PLCB1: variants seen among roughly 807,000 people sequenced by gnomAD.
PLCB1 encodes phospholipase C beta 1.
A neutral mutation model predicts 161.8 loss-of-function variants in PLCB1; 46 were observed. That is an observed-to-expected ratio of 0.28 (90% CI 0.22 to 0.36). The LOEUF (loss-of-function observed/expected upper bound fraction) is 0.36. PLCB1 is among the 10% of genes least tolerant of loss of function. PLCB1 has a pLI of 1.00. For synonymous variants in PLCB1, 517 were observed against 503.7 expected (o/e 1.03, Z -0.35); for missense variants, 1,016 against 1,472.5 (o/e 0.69, Z 5.07).
chr20:8,382,080 G>A lies in PLCB1; in HGVS notation c.246+10630G>A, dbSNP rs567176562. On this transcript the variant is annotated intron_variant, in intron 3 of 31. Transcript: ENST00000338037. ...TTTGAGATCTTTCTAGCTTTCTGAT[G>A]TGGGTACTTAGTGCTATAAAGTTCC... 3.9e-5 allele frequency among the ~76,000 whole-genome samples: 6 copies of A among 152,176 alleles called. No individual in the cohort carries two copies. In the South Asian group the frequency reaches 1.0e-3, roughly 26 times the overall value.
intron 31 of PLCB1, among the ~76,000 whole-genome samples, chr20:8,812,275 C>T (rs1004824908): frequency 1.3e-5 from 2 of 152,176 alleles, no homozygotes; most frequent in Admixed American, 6.5e-5. Flanking sequence ...GTATGTACCT[C>T]TCTGACTTCT....
intron 2 of PLCB1, among the ~76,000 whole-genome samples, chr20:8,168,255 T>C (rs7266525): frequency 0.19 from 28,837 of 152,206 alleles, 3,006 homozygotes; most frequent in African/African-American, 0.27. Context: ...GTGAGAAGAA[T>C]AATTTGTGAC....
At chr20:8,839,296 G>T (rs1221126117) in intron 31 of PLCB1, among the ~76,000 whole-genome samples, 1 of 152,110 alleles carries the variant, frequency 6.6e-6, no homozygotes, top group Non-Finnish European at 1.5e-5. Flanking sequence ...CAAAAAAGAC[G>T]GACAATGCCT....
At chr20:8,321,784 G>C (rs1020705977) in intron 2 of PLCB1, among the ~76,000 whole-genome samples, 8 of 152,034 alleles carry the variant, frequency 5.3e-5, no homozygotes. Context: ...TCTCTCCCCC[G>C]CATTGGGTTC....
At chr20:8,825,577 T>C (rs1379998971) in intron 31 of PLCB1, among the ~76,000 whole-genome samples, 5 of 152,066 alleles carry the variant, frequency 3.3e-5, no homozygotes, top group Admixed American at 1.3e-4. Flanking sequence ...GAAAAGAATA[T>C]ACAATGGAGC....
intron 31 of PLCB1, among the ~76,000 whole-genome samples, chr20:8,874,225 TACACACACAC>T (rs56986559): frequency 7.5e-5 from 10 of 132,472 alleles, no homozygotes; most frequent in African/African-American, 2.5e-4. Flanking sequence ...TATGTGTATG[TACACACACAC>T]ACACACACAC....
At chr20:8,201,570 A>T (rs1406831111) in intron 2 of PLCB1, among the ~76,000 whole-genome samples, 4 of 152,126 alleles carry the variant, frequency 2.6e-5, no homozygotes, top group African/African-American at 9.7e-5. Context: ...CTTAATGCAA[A>T]AGTAAGCCTT....
chr20:8,402,473 AT>A (rs1265347619), intron 3 of PLCB1, among the ~76,000 whole-genome samples: 1 of 152,070 alleles, frequency 6.6e-6, no homozygotes, highest in Non-Finnish European at 1.5e-5. Flanking sequence ...ACCACCTTTT[AT>A]TAAATAAAAG....
chr20:8,708,079 G>A (rs1297889662), intron 11 of PLCB1, among the ~76,000 whole-genome samples: 1 of 151,980 alleles, frequency 6.6e-6, no homozygotes, highest in African/African-American at 2.4e-5. Context: ...TTTTTGAGGC[G>A]ATAAAAATGT....
At chr20:8,259,250 A>C (rs1981575682) in intron 2 of PLCB1, among the ~76,000 whole-genome samples, 1 of 152,200 alleles carries the variant, frequency 6.6e-6, no homozygotes, top group African/African-American at 2.4e-5. Context: ...AATCCAATAA[A>C]ATGGTAAAAT....
intron 31 of PLCB1, among the ~76,000 whole-genome samples, chr20:8,834,837 A>C (rs6118345): frequency 7.3e-6 from 1 of 136,276 alleles, no homozygotes. Flanking sequence ...AAAAAAAAAA[A>C]CCACAGGCTG....
At chr20:8,558,063 G>C (rs2123013794) in intron 3 of PLCB1, among the ~76,000 whole-genome samples, 1 of 151,698 alleles carries the variant, frequency 6.6e-6, no homozygotes, top group South Asian at 2.1e-4. Flanking sequence ...GGCTTAATGA[G>C]TACAAAAACA....
intron 17 of PLCB1, 90 bp downstream of exon 17, chr20:8,727,483 G>T: frequency 1.4e-6 from 1 of 732,108 alleles, no homozygotes; most frequent in South Asian, 1.7e-5. Flanking sequence ...GGAGAAAGAT[G>T]CATAAAATGG....
At chr20:8,461,962 A>G (rs1424914371) in intron 3 of PLCB1, among the ~76,000 whole-genome samples, 1 of 152,100 alleles carries the variant, frequency 6.6e-6, no homozygotes, top group East Asian at 1.9e-4. Context: ...GTTTAAAGTT[A>G]TATAATGGAC....
intron 12 of PLCB1, among the ~76,000 whole-genome samples, chr20:8,712,098 C>T (rs536591794): frequency 5.8e-4 from 89 of 152,198 alleles, no homozygotes; most frequent in African/African-American, 2.0e-3. Context: ...GTCAGGAGAT[C>T]GAGACCATCC....
intron 31 of PLCB1, among the ~76,000 whole-genome samples, chr20:8,800,454 C>A (rs932538052): frequency 6.8e-6 from 1 of 147,838 alleles, no homozygotes; most frequent in Admixed American, 6.7e-5. Context: ...CACACACACA[C>A]ATATACACAA....
chr20:8,708,286 T>C (rs1237604900), intron 11 of PLCB1, among the ~76,000 whole-genome samples: 1 of 152,180 alleles, frequency 6.6e-6, no homozygotes, highest in African/African-American at 2.4e-5. Flanking sequence ...TAGAAGTGAA[T>C]ATAATGAAAT....
At chr20:8,140,748 C>T (rs1372673471) in intron 1 of PLCB1, among the ~76,000 whole-genome samples, 3 of 152,224 alleles carry the variant, frequency 2.0e-5, no homozygotes, top group East Asian at 3.9e-4. Context: ...ACCATGATGT[C>T]CCCGAACAGG....
At chr20:8,359,184 G>C (rs1368010518) in intron 2 of PLCB1, among the ~76,000 whole-genome samples, 1 of 152,110 alleles carries the variant, frequency 6.6e-6, no homozygotes, top group Admixed American at 6.5e-5. Context: ...TAAAGAGGTA[G>C]TAATACTAAA....
Sources: allele counts gnomAD v4.1 joint callset (sites outside exome capture counted in the v4.1 genomes callset), GRCh38; gene constraint gnomAD v4.1.1; transcripts MANE v1.5; gene names NCBI Gene and HGNC (gene_info 2026-07-23, HGNC 2026-07-21).